Variants in MCC observed in about 807,000 individuals in gnomAD.
MCC encodes the protein colorectal mutant cancer protein.
Under a neutral mutation model 116.2 loss-of-function variants are expected in MCC, and 90 were observed. The observed-to-expected ratio is 0.77, with a 90% confidence interval of 0.65 to 0.92. The LOEUF is 0.92. Among genes scored for constraint, MCC ranks in the 40% least tolerant of loss-of-function variants. The pLI is 0.00. For synonymous variants in MCC, 578 were observed against 510.5 expected (o/e 1.13, Z -1.78); for missense variants, 1,516 against 1,312.2 (o/e 1.16, Z -2.40).
In MCC at chr5:113,409,821, T is replaced by G. The variant is rs182494973; in HGVS notation, c.171-24609A>C. On this transcript the variant is annotated intron_variant, in intron 1 of 18. Transcript: ENST00000408903. Reference sequence around the variant, plus strand: ...GACAAGGATATTTAGTCTCTGTCCCTTCCTAGACTCGAGACTACGGTCTCA... The same window carrying G: ...GACAAGGATATTTAGTCTCTGTCCCGTCCTAGACTCGAGACTACGGTCTCA... Among the ~76,000 whole-genome samples the G allele has an allele frequency of 3.7e-4, 56 of 152,326 alleles. No individual in the cohort carries two copies. The East Asian group carries it at 0.01, about 28-fold the overall frequency.
At chr5:113,141,554 G>A (rs1411476710) in intron 5 of MCC, among the ~76,000 whole-genome samples, 1 of 152,186 alleles carries the variant, frequency 6.6e-6, no homozygotes. Context: ...CTAAGCCTCA[G>A]GAGCTCAGAG....
At chr5:113,385,997 A>G (rs1320224751) in intron 1 of MCC, among the ~76,000 whole-genome samples, 1 of 152,240 alleles carries the variant, frequency 6.6e-6, no homozygotes, top group Non-Finnish European at 1.5e-5. Context: ...AAGAATAACA[A>G]GAACAATAAC....
chr5:113,183,967 G>A (rs932390237), intron 3 of MCC, among the ~76,000 whole-genome samples: 6 of 146,602 alleles, frequency 4.1e-5, no homozygotes, highest in African/African-American at 1.3e-4. Flanking sequence ...GAAGCCCAAA[G>A]AGCTTAGAGG....
chr5:113,251,569 C>T (rs189168341), intron 3 of MCC, among the ~76,000 whole-genome samples: 28 of 152,236 alleles, frequency 1.8e-4, no homozygotes, highest in East Asian at 1.5e-3. Flanking sequence ...GCTGTGGCCT[C>T]GTGGAGAAGG....
At chr5:113,328,462 G>A (rs1248675013) in intron 3 of MCC, among the ~76,000 whole-genome samples, 1 of 152,112 alleles carries the variant, frequency 6.6e-6, no homozygotes, top group Non-Finnish European at 1.5e-5. Flanking sequence ...AAGTTAATGT[G>A]GGATCCACCT....
At chr5:113,107,358 C>T (rs1041678164) in intron 6 of MCC, among the ~76,000 whole-genome samples, 19 of 152,070 alleles carry the variant, frequency 1.2e-4, no homozygotes, top group African/African-American at 4.6e-4. Flanking sequence ...GCTTGGATTA[C>T]AGGCGTGTGC....
chr5:113,287,616 C>G (rs796245391), intron 3 of MCC, among the ~76,000 whole-genome samples: 9 of 152,310 alleles, frequency 5.9e-5, no homozygotes, highest in African/African-American at 1.4e-4. Context: ...TGAGCCACCA[C>G]GCCCAGCCCA....
At chr5:113,056,057 A>G (rs1015822137) in intron 14 of MCC, among the ~76,000 whole-genome samples, 3 of 152,220 alleles carry the variant, frequency 2.0e-5, no homozygotes, top group Admixed American at 1.3e-4. Flanking sequence ...ACTAGAATCT[A>G]TATCAAGAGA....
At chr5:113,282,290 T>C (rs1766077291) in intron 3 of MCC, among the ~76,000 whole-genome samples, 1 of 152,116 alleles carries the variant, frequency 6.6e-6, no homozygotes, top group Admixed American at 6.6e-5. Flanking sequence ...GCTGGGGATG[T>C]TTTAATGCCA....
At chr5:113,463,679 T>C (rs568028454) in intron 1 of MCC, among the ~76,000 whole-genome samples, 1 of 152,288 alleles carries the variant, frequency 6.6e-6, no homozygotes, top group African/African-American at 2.4e-5. Context: ...TGGCAGGAGA[T>C]GATTTATAGG....
intron 3 of MCC, among the ~76,000 whole-genome samples, chr5:113,286,202 G>A (rs996646396): frequency 7.9e-5 from 12 of 152,306 alleles, no homozygotes; most frequent in Middle Eastern, 3.4e-3. Flanking sequence ...TGGAGACACC[G>A]GGGGCCGCTG....
chr5:113,437,419 C>A (rs925591366), intron 1 of MCC, among the ~76,000 whole-genome samples: 1 of 152,186 alleles, frequency 6.6e-6, no homozygotes, highest in South Asian at 2.1e-4. Context: ...TCCTTTACCC[C>A]TGTTATGTTC....
At chr5:113,319,988 C>A (rs1767380294) in intron 3 of MCC, among the ~76,000 whole-genome samples, 2 of 152,164 alleles carry the variant, frequency 1.3e-5, no homozygotes, top group Admixed American at 1.3e-4. Flanking sequence ...AAACACAGAA[C>A]AACAGCATGG....
chr5:113,322,276 T>C (rs1767439561), intron 3 of MCC, among the ~76,000 whole-genome samples: 1 of 152,196 alleles, frequency 6.6e-6, no homozygotes, highest in Admixed American at 6.5e-5. Flanking sequence ...AGTAAATATG[T>C]AACCATTGCA....
At chr5:113,385,279 T>TAAAA in intron 1 of MCC, 67 bp from the exon 2 acceptor site, 1 of 1,474,134 alleles carries the variant, frequency 6.8e-7, no homozygotes, top group Non-Finnish European at 9.2e-7. Flanking sequence ...AACTGGTTAA[T>TAAAA]GAAAAAAAAA....
intron 11 of MCC, among the ~76,000 whole-genome samples, chr5:113,080,694 C>A (rs903291223): frequency 6.6e-6 from 1 of 151,820 alleles, no homozygotes; most frequent in Non-Finnish European, 1.5e-5. Context: ...AGGAGATATA[C>A]CTAATGTAAA....
intron 3 of MCC, among the ~76,000 whole-genome samples, chr5:113,330,326 T>C (rs1280082863): frequency 1.3e-5 from 2 of 152,364 alleles, no homozygotes; most frequent in African/African-American, 4.8e-5. Context: ...TCTAAACTTA[T>C]TCTTTTAATA....
At chr5:113,394,855 C>G (rs1379721459) in intron 1 of MCC, among the ~76,000 whole-genome samples, 3 of 152,234 alleles carry the variant, frequency 2.0e-5, no homozygotes, top group African/African-American at 7.2e-5. Context: ...GCAGCCAAAT[C>G]TAGATCATTT....
At chr5:113,273,182 A>G (rs1403970085) in intron 3 of MCC, among the ~76,000 whole-genome samples, 1 of 152,228 alleles carries the variant, frequency 6.6e-6, no homozygotes, top group Non-Finnish European at 1.5e-5. Flanking sequence ...CTTTTGGAAT[A>G]GAAAGACAAA....
Sources: gnomAD v4.1 joint callset for allele counts (sites outside exome capture counted in the v4.1 genomes callset) on GRCh38, gnomAD v4.1.1 for gene constraint, MANE v1.5 for transcripts, NCBI Gene and HGNC (gene_info 2026-07-23, HGNC 2026-07-21) for gene names.